KDM5B: variants seen among roughly 807,000 people sequenced by gnomAD.
KDM5B encodes the protein lysine demethylase 5B.
KDM5B carries 144 observed loss-of-function variants against 193.4 expected under a neutral mutation model. The observed-to-expected ratio is 0.74, with a 90% CI of 0.65 to 0.86. The LOEUF is 0.86. Among genes scored for constraint, KDM5B ranks in the 40% least tolerant of loss-of-function variants. The probability of loss-of-function intolerance (pLI) is 0.00; values close to 1 mark genes in which losing one functional copy is unlikely to be tolerated. For synonymous variants in KDM5B, 668 were observed against 682.6 expected, an observed-to-expected ratio of 0.98 and a Z score of 0.33; for missense variants, 1,833 against 1,886.9, an observed-to-expected ratio of 0.97 and a Z score of 0.53.
chr1:202,783,160 C>G (rs1332583997), intron 1 of KDM5B, among the ~76,000 whole-genome samples: 1 of 152,174 alleles, frequency 6.6e-6, no homozygotes, highest in African/African-American at 2.4e-5. Flanking sequence ...ACCAGCTACT[C>G]AGGAGGCTGA....
rs553199377 is a variant in KDM5B, at chr1:202,782,273, A to G, written c.205-5179T>C. ...CTGTCAGCTGCAAAACTAGACTCCAATAAAAAAATTAAATTTATTTGTAAT... is the reference window on the plus strand; with the variant it reads ...CTGTCAGCTGCAAAACTAGACTCCAGTAAAAAAATTAAATTTATTTGTAAT... On this transcript the variant is annotated intron_variant, in intron 1 of 26. Transcript: ENST00000367265. Among the ~76,000 whole-genome samples, 12 of 152,328 alleles carry G rather than the reference A, an allele frequency of 7.9e-5. No individual in the cohort carries two copies. The South Asian group carries it at 2.3e-3, about 29-fold the overall frequency.
chr1:202,789,914 G>A (rs1352955451), intron 1 of KDM5B, among the ~76,000 whole-genome samples: 1 of 152,028 alleles, frequency 6.6e-6, no homozygotes, highest in Non-Finnish European at 1.5e-5. Context: ...GGAAACACAA[G>A]ACCTCATCTC....
intron 1 of KDM5B, among the ~76,000 whole-genome samples, chr1:202,786,191 T>G (rs899108752): frequency 3.6e-3 from 201 of 55,998 alleles, no homozygotes; most frequent in Middle Eastern, 0.019. Context: ...AGACGGGGGG[T>G]GGGGGGGGGG....
At chr1:202,743,746 G>A (rs972299959) in intron 16 of KDM5B, among the ~76,000 whole-genome samples, 3 of 152,132 alleles carry the variant, frequency 2.0e-5, no homozygotes, top group African/African-American at 7.2e-5. Context: ...AATGGAGAAA[G>A]GATTCCCTAT....
At chr1:202,748,570 TA>T (rs1387932081) in intron 14 of KDM5B, among the ~76,000 whole-genome samples, 2 of 152,070 alleles carry the variant, frequency 1.3e-5, no homozygotes, top group African/African-American at 2.4e-5. Flanking sequence ...CCAAATGTTT[TA>T]AAAAAATAAA....
At position 202,773,146 on chromosome 1, in the gene KDM5B, T is replaced by C; in HGVS notation, c.548A>G (p.Asn183Ser). The change falls in exon 4 of 27, where the codon AAC becomes AGC. Residue 183 changes from asparagine to serine, a missense_variant. Around this residue, in one of 3 missense-constraint regions of KDM5B, gnomAD observed 355 missense variants for 374.9 expected, o/e 0.95. Coordinates refer to ENST00000367265, the MANE Select transcript of KDM5B (RefSeq NM_006618.5). ...TAGGCTGTCTCCGGACAGGAATAAG[T>C]TGTAGGGGTTGAGAATTCGTTCATA... ...GHYERILNPY[N>S]LFLSGDSLRC... is the part of the protein sequence containing the mutation. 1.2e-6 allele frequency: 2 copies of C among 1,613,434 alleles called. No individual in the cohort carries two copies. The highest frequency in any genetic ancestry group is 8.5e-7 in the Non-Finnish European group (1 of 1,179,462).
chr1:202,752,515 T>G (rs1655832348), intron 12 of KDM5B, among the ~76,000 whole-genome samples: 1 of 152,232 alleles, frequency 6.6e-6, no homozygotes, highest in Non-Finnish European at 1.5e-5. Context: ...ATATCCCTGT[T>G]GTTAGGTTTC....
intron 23 of KDM5B, among the ~76,000 whole-genome samples, chr1:202,733,016 C>G (rs1241525067): frequency 6.6e-6 from 1 of 152,192 alleles, no homozygotes; most frequent in African/African-American, 2.4e-5. Context: ...AGTGTTTTCC[C>G]TTTCTACTAA....
intron 21 of KDM5B, among the ~76,000 whole-genome samples, chr1:202,735,956 A>G (rs1358647292): frequency 2.0e-5 from 3 of 152,252 alleles, no homozygotes; most frequent in Non-Finnish European, 2.9e-5. Flanking sequence ...GCCAAGTTTA[A>G]GAGTCCAATT....
chr1:202,776,991 A>G (rs777062754), intron 2 of KDM5B, 26 bp downstream of exon 2: 2 of 1,496,566 alleles, frequency 1.3e-6, no homozygotes, highest in South Asian at 1.1e-5. Context: ...GAATACAGGC[A>G]AACAGAACAA....
rs771971357 is a variant in KDM5B at position 202,742,655 on chromosome 1, C to G, written c.2474G>C (p.Arg825Thr). The change falls in exon 17 of 27, where the codon AGA (arginine) becomes ACA (threonine). Residue 825 changes from arginine to threonine, a missense_variant and splice_region_variant. Physicochemically the swap from Arg to Thr is moderately conservative, Grantham distance 71. Coordinates refer to ENST00000367265, the MANE Select transcript of KDM5B (RefSeq NM_006618.5). ...AACTCACGCAGTCAGAAGCGCATAC[C>G]TAGTTTGCCTTTTGCCATTAAGCAA... ...QQLLNGKRQT[R>T]YRSGGGKSQN... is the part of the protein sequence containing the mutation. The G allele has an allele frequency of 1.9e-6, 3 of 1,613,890 alleles. No individual in the cohort carries two copies. Among genetic ancestry groups the G allele is most frequent in the Non-Finnish European group, 2.5e-6 (3 of 1,179,874 alleles).
chr1:202,790,188 G>A (rs898774769), intron 1 of KDM5B, among the ~76,000 whole-genome samples: 2 of 151,104 alleles, frequency 1.3e-5, no homozygotes, highest in Non-Finnish European at 3.0e-5. Context: ...TCTCAAACTC[G>A]GGAGGTAAAG....
At chr1:202,776,904 A>G in intron 2 of KDM5B, 113 bp downstream of exon 2, 1 of 771,228 alleles carries the variant, frequency 1.3e-6, no homozygotes, top group Non-Finnish European at 2.2e-6. Flanking sequence ...CTCAAATACA[A>G]ATCTAAAAAC....
At chr1:202,767,558 A>G (rs1656524844) in intron 4 of KDM5B, 1 of 610,482 alleles carries the variant, frequency 1.6e-6, no homozygotes, top group East Asian at 2.8e-5. Context: ...TTAATCTTAG[A>G]GAGTTTCACT....
rs764204539 is a variant in KDM5B at position 202,773,153 on chromosome 1, G to C, written c.541C>G (p.Pro181Ala). The change falls in exon 4 of 27, where the codon CCC (proline) becomes GCC (alanine). Residue 181 changes from proline (P) to alanine (A), a missense_variant. By Grantham distance (27) the Pro-to-Ala change is conservative. Around this residue, in one of 3 missense-constraint regions of KDM5B, gnomAD observed 355 missense variants for 374.9 expected, o/e 0.95. Transcript: ENST00000367265. ...TCTCCGGACAGGAATAAGTTGTAGGGGTTGAGAATTCGTTCATAATGCCCT... is the reference window on the plus strand; with the variant it reads ...TCTCCGGACAGGAATAAGTTGTAGGCGTTGAGAATTCGTTCATAATGCCCT... ...IRGHYERILN[P>A]YNLFLSGDSL... 4.3e-6 allele frequency: 7 copies of C among 1,613,656 alleles called. No homozygotes were observed. The highest frequency in any genetic ancestry group is 5.9e-6 in the Non-Finnish European group (7 of 1,179,596).
intron 1 of KDM5B, among the ~76,000 whole-genome samples, chr1:202,785,804 G>C (rs1657386254): frequency 6.6e-6 from 1 of 151,546 alleles, no homozygotes; most frequent in Non-Finnish European, 1.5e-5. Context: ...CAGCTACTCA[G>C]AAGGCAGAGC....
chr1:202,762,559 AT>A (rs1656294230), intron 7 of KDM5B, 139 bp downstream of exon 7: 1 of 649,836 alleles, frequency 1.5e-6, no homozygotes, highest in Non-Finnish European at 2.8e-6. Flanking sequence ...TTCAGAAGAT[AT>A]TTTTATTGTC....
intron 1 of KDM5B, among the ~76,000 whole-genome samples, chr1:202,792,843 A>G (rs1657694437): frequency 6.6e-6 from 1 of 151,984 alleles, no homozygotes; most frequent in African/African-American, 2.4e-5. Context: ...AAAATACAAA[A>G]AAAATTAGCC....
intron 23 of KDM5B, 35 bp from the exon 24 acceptor site, chr1:202,731,974 T>C: frequency 7.0e-7 from 1 of 1,429,932 alleles, no homozygotes; most frequent in Non-Finnish European, 9.8e-7. Flanking sequence ...ATAAAATCTC[T>C]TCAGGATTAA....
Sources: gnomAD v4.1 joint callset for allele counts (sites outside exome capture counted in the v4.1 genomes callset) on GRCh38, gnomAD v4.1.1 for gene constraint, gnomAD v4.1.1 regional missense constraint, MANE v1.5 for transcripts, NCBI Gene and HGNC (gene_info 2026-07-23, HGNC 2026-07-21) for gene names.